The following CA10 variants were observed in gnomAD, a reference collection of about 807,000 sequenced individuals.
The protein encoded by CA10 is carbonic anhydrase 10 (inactive), also known as carbonic anhydrase-related protein 10.
Under a neutral mutation model 44.2 loss-of-function variants are expected in CA10, and 14 were observed. The observed-to-expected ratio is 0.32, with a 90% confidence interval of 0.21 to 0.50. The LOEUF (loss-of-function observed/expected upper bound fraction) is 0.50. Among genes scored for constraint, CA10 ranks in the 20% least tolerant of loss-of-function variants. The probability of loss-of-function intolerance (pLI) is 0.99; values close to 1 mark genes in which losing one functional copy is unlikely to be tolerated. For synonymous variants in CA10, 159 were observed against 141.6 expected (o/e 1.12, Z -0.87); for missense variants, 350 against 409.7 (o/e 0.85, Z 1.26).
At chr17:51,829,924 C>T (rs2319454) in intron 3 of CA10, among the ~76,000 whole-genome samples, 4,674 of 152,118 alleles carry the variant, frequency 0.031, 227 homozygotes, top group African/African-American at 0.1. Flanking sequence ...AAAGGCCGGG[C>T]GCGGTGGCTC....
At chr17:51,787,923 AT>A (rs1174453683) in intron 3 of CA10, among the ~76,000 whole-genome samples, 21 of 151,524 alleles carry the variant, frequency 1.4e-4, no homozygotes, top group Admixed American at 1.3e-3. Flanking sequence ...TGTTTCATTG[AT>A]ATTTTGTATT....
At chr17:51,756,243 T>C (rs1471720387) in intron 3 of CA10, among the ~76,000 whole-genome samples, 2 of 152,156 alleles carry the variant, frequency 1.3e-5, no homozygotes, top group Non-Finnish European at 2.9e-5. Context: ...CATCATCTCA[T>C]TTCACCCTTA....
At chr17:51,659,503 C>T (rs1184414218) in intron 4 of CA10, among the ~76,000 whole-genome samples, 1 of 152,160 alleles carries the variant, frequency 6.6e-6, no homozygotes, top group East Asian at 1.9e-4. Context: ...CTGGAGAACC[C>T]TGACTAATCA....
At chr17:52,158,994 C>T (rs1309969851), upstream of CA10, among the ~76,000 whole-genome samples, 4 of 152,172 alleles carry the variant, frequency 2.6e-5, no homozygotes, top group African/African-American at 4.8e-5. Context: ...CGCCTCGGCC[C>T]CAGTCCCTGG....
At chr17:51,804,795 T>G (rs1049000617) in intron 3 of CA10, among the ~76,000 whole-genome samples, 2 of 152,230 alleles carry the variant, frequency 1.3e-5, no homozygotes, top group African/African-American at 4.8e-5. Context: ...ATTTAGTAAC[T>G]TGTCTTTGTT....
intron 4 of CA10, among the ~76,000 whole-genome samples, chr17:51,716,025 A>T (rs1055212351): frequency 6.6e-6 from 1 of 151,926 alleles, no homozygotes; most frequent in African/African-American, 2.4e-5. Flanking sequence ...TGAACCCATT[A>T]ACAATTCCCA....
Position 52,134,797 on chromosome 17 carries a change from C to T in CA10, c.61+22929G>A, listed in dbSNP as rs77598338. On this transcript the variant is annotated intron_variant, in intron 1 of 8. Coordinates refer to ENST00000451037, the MANE Select transcript of CA10 (RefSeq NM_020178.5). ...AGGTTATGCATGACAGCTGCCTCTT[C>T]CACTGTGCCCTGGCACCATGGATGT... 1,528 of 505,456 alleles carry T rather than the reference C, an allele frequency of 3.0e-3. 23 individuals carry two copies. The East Asian group carries it at 0.032, about 11-fold the overall frequency. 31.3% of individuals were successfully genotyped at this position (505,456 alleles called of 1,614,324 possible). A position where few individuals can be genotyped will look rare whatever the true frequency, so the allele number is the denominator to read the frequency against.
chr17:52,100,239 C>T (rs1988505871), intron 1 of CA10, among the ~76,000 whole-genome samples: 1 of 152,026 alleles, frequency 6.6e-6, no homozygotes, highest in African/African-American at 2.4e-5. Flanking sequence ...GTGAAAAGGA[C>T]CGGGATCCAG....
intron 3 of CA10, among the ~76,000 whole-genome samples, chr17:51,845,921 T>C (rs1262182521): frequency 6.6e-6 from 1 of 152,232 alleles, no homozygotes; most frequent in African/African-American, 2.4e-5. Context: ...TGGACATGAA[T>C]GCTAACATTG....
At chr17:51,648,498 C>T (rs1196258588) in intron 6 of CA10, among the ~76,000 whole-genome samples, 1 of 152,124 alleles carries the variant, frequency 6.6e-6, no homozygotes, top group Non-Finnish European at 1.5e-5. Flanking sequence ...CTTTTTTCCT[C>T]ATATTATTTC....
At chr17:52,151,880 A>C (rs1013012662) in intron 1 of CA10, among the ~76,000 whole-genome samples, 1 of 152,114 alleles carries the variant, frequency 6.6e-6, no homozygotes, top group Non-Finnish European at 1.5e-5. Context: ...CCAAAGTTAG[A>C]ATTCACACGT....
At chr17:52,069,060 C>T (rs558215730) in intron 2 of CA10, among the ~76,000 whole-genome samples, 1 of 152,224 alleles carries the variant, frequency 6.6e-6, no homozygotes, top group South Asian at 2.1e-4. Context: ...TCTTTGGGGA[C>T]ATTGGTCTTT....
In CA10 at chr17:51,869,640, T is replaced by C. The variant is rs200676283; in HGVS notation, c.279+61350A>G. 6.6e-5 allele frequency among the ~76,000 whole-genome samples: 10 copies of C among 152,280 alleles called. No individual in the cohort carries two copies. The East Asian group carries it at 1.9e-3, about 29-fold the overall frequency. ...TGAAAGCCATTTAGGCTGGGTATAG[T>C]GGCTCATGCTTGTGATCCCAGAACT... On this transcript the variant is annotated intron_variant, in intron 3 of 8. Transcript: ENST00000451037.
chr17:52,000,067 T>C (rs1202800728), intron 2 of CA10, among the ~76,000 whole-genome samples: 1 of 152,084 alleles, frequency 6.6e-6, no homozygotes, highest in African/African-American at 2.4e-5. Flanking sequence ...GGTTTTTTCT[T>C]TCTGTTCAGA....
At chr17:52,107,436 A>G (rs771293530) in intron 1 of CA10, among the ~76,000 whole-genome samples, 10 of 152,060 alleles carry the variant, frequency 6.6e-5, no homozygotes, top group Non-Finnish European at 1.3e-4. Flanking sequence ...CTTTTTTCCT[A>G]TGACAATTTT....
chr17:51,788,160 G>C (rs1266091651), intron 3 of CA10, among the ~76,000 whole-genome samples: 3 of 151,970 alleles, frequency 2.0e-5, no homozygotes, highest in Admixed American at 6.6e-5. Context: ...ATTATCATTT[G>C]CTCCAATATT....
At position 51,733,278 on chromosome 17, in the gene CA10, C is replaced by T. The variant is rs185275269; in HGVS notation, c.465+14355G>A. ...GTCCTCCCCAAATTGCCACACGCTCCAGGGAATTAGATGAATTAAAGCCAA... is the reference window on the plus strand; with the variant it reads ...GTCCTCCCCAAATTGCCACACGCTCTAGGGAATTAGATGAATTAAAGCCAA... On this transcript the variant is annotated intron_variant, in intron 4 of 8. Coordinates refer to ENST00000451037, the MANE Select transcript of CA10 (RefSeq NM_020178.5). Among the ~76,000 whole-genome samples, 49 of 152,250 alleles carry T rather than the reference C, an allele frequency of 3.2e-4. 2 individuals carry two copies. The highest frequency in any genetic ancestry group is 2.9e-3 in the Admixed American group (44 of 15,286).
chr17:52,113,422 A>T (rs1988828061), intron 1 of CA10, among the ~76,000 whole-genome samples: 1 of 152,184 alleles, frequency 6.6e-6, no homozygotes, highest in Admixed American at 6.5e-5. Flanking sequence ...GTATACTGAT[A>T]CCCATATGCA....
chr17:51,848,381 T>C (rs771345600), intron 3 of CA10, among the ~76,000 whole-genome samples: 2 of 152,230 alleles, frequency 1.3e-5, no homozygotes, highest in African/African-American at 2.4e-5. Flanking sequence ...ATATTTCTGA[T>C]GCATCTGATG....
Sources: allele counts gnomAD v4.1 joint callset (sites outside exome capture counted in the v4.1 genomes callset), GRCh38; gene constraint gnomAD v4.1.1; transcripts MANE v1.5; gene names NCBI Gene and HGNC (gene_info 2026-07-23, HGNC 2026-07-21).